Variants in CLASP2 observed in about 807,000 individuals in gnomAD.
The protein encoded by CLASP2 is CLIP-associating protein 2.
In CLASP2, 47 loss-of-function variants were observed where a neutral mutation model predicts 194.4. The ratio of observed to expected loss-of-function variants is 0.24; its 90% CI spans 0.19 to 0.31. The LOEUF (loss-of-function observed/expected upper bound fraction) is 0.31, where lower values mean the gene tolerates loss of function less well. Among genes scored for constraint, CLASP2 ranks in the 10% least tolerant of loss-of-function variants. The pLI is 1.00. For synonymous variants in CLASP2, 619 were observed against 633.5 expected (o/e 0.98, Z 0.34); for missense variants, 1,445 against 1,823.6 (o/e 0.79, Z 3.78).
At position 33,498,111 on chromosome 3, in the gene CLASP2, G is replaced by A. The variant is rs930994076; in HGVS notation, c.*520C>T. On this transcript the variant is annotated 3_prime_UTR_variant, in exon 39 of 39. Coordinates refer to ENST00000682230, the MANE Select transcript of CLASP2 (RefSeq NM_001365631.1). Reference sequence around the variant, plus strand: ...TGACATGTATCACCATCACACAAACGGAGTCCAGCTGTAGTTCAAATTAGT... The same window carrying A: ...TGACATGTATCACCATCACACAAACAGAGTCCAGCTGTAGTTCAAATTAGT... The A allele has an allele frequency of 1.3e-5, 2 of 152,588 alleles. No homozygotes were observed. The highest frequency in any genetic ancestry group is 2.1e-4 in the South Asian group (1 of 4,832). 9.5% of individuals were successfully genotyped at this position (152,588 alleles called of 1,614,324 possible).
intron 17 of CLASP2, among the ~76,000 whole-genome samples, 180 bp from the exon 18 acceptor site, chr3:33,603,305 A>C (rs561389174): frequency 6.6e-6 from 1 of 152,012 alleles, no homozygotes; most frequent in Non-Finnish European, 1.5e-5. Context: ...ATCACAACTA[A>C]GTCTTCAGCA....
Position 33,535,285 on chromosome 3 carries a change from C to T in CLASP2, c.3735G>A (p.Lys1245=), listed in dbSNP as rs2154134374. The T allele has an allele frequency of 6.2e-7, 1 of 1,613,934 alleles. No homozygotes were observed. Among genetic ancestry groups the T allele is most frequent in the Non-Finnish European group, 8.5e-7 (1 of 1,179,868 alleles). Residue 1245 remains lysine, a synonymous_variant, in exon 34 of 39, where the codon AAG becomes AAA. Coordinates refer to ENST00000682230, the MANE Select transcript of CLASP2 (RefSeq NM_001365631.1). ...NYSDSISPFN[K]SALKEAMFDD... ...CAAACATGGCTTCCTTGAGGGCAGA[C>T]TTGTTGAAGGGACTGATGCTATCTG...
At chr3:33,543,596 A>C (rs2058712727) in intron 31 of CLASP2, 57 bp from the exon 32 acceptor site, 8 of 1,044,524 alleles carry the variant, frequency 7.7e-6, no homozygotes, top group Non-Finnish European at 1.2e-5. Flanking sequence ...ACTTAAAAAA[A>C]CTCTTAAGGA....
intron 8 of CLASP2, among the ~76,000 whole-genome samples, chr3:33,642,776 C>CA (rs1210999060): frequency 6.6e-6 from 1 of 151,696 alleles, no homozygotes; most frequent in Non-Finnish European, 1.5e-5. Flanking sequence ...GAAGTAATAT[C>CA]AATATCCTCT....
At chr3:33,625,553 T>C (rs929606529) in intron 10 of CLASP2, among the ~76,000 whole-genome samples, 6 of 150,312 alleles carry the variant, frequency 4.0e-5, no homozygotes, top group African/African-American at 1.5e-4. Flanking sequence ...GTATCAAGTA[T>C]GATCTCTCTC....
At chr3:33,613,692 C>T (rs573228482) in intron 12 of CLASP2, among the ~76,000 whole-genome samples, 22 of 152,312 alleles carry the variant, frequency 1.4e-4, no homozygotes, top group African/African-American at 5.3e-4. Context: ...CATGAAAGGA[C>T]TCTGTGGACC....
At chr3:33,717,750 G>C in intron 1 of CLASP2, 58 bp downstream of exon 1, 32 of 1,528,704 alleles carry the variant, frequency 2.1e-5, no homozygotes, top group Non-Finnish European at 2.8e-5. Context: ...GCTCGCGTCC[G>C]GGATTAAAGG....
At chr3:33,659,744 C>T (rs1011956891) in intron 7 of CLASP2, 1 of 152,232 alleles carries the variant, frequency 6.6e-6, no homozygotes, top group Non-Finnish European at 1.5e-5. Context: ...AGAGCACCCT[C>T]TATCCAAGCT....
intron 10 of CLASP2, 107 bp downstream of exon 10, chr3:33,626,877 ACTCT>A (rs1416991864): frequency 4.8e-6 from 3 of 625,860 alleles, no homozygotes; most frequent in African/African-American, 1.9e-5. Flanking sequence ...TACCTATCAG[ACTCT>A]CTATTTTATA....
At chr3:33,515,097 A>T (rs1174701286) in intron 36 of CLASP2, among the ~76,000 whole-genome samples, 1 of 151,608 alleles carries the variant, frequency 6.6e-6, no homozygotes, top group African/African-American at 2.4e-5. Flanking sequence ...GTGAGGGATA[A>T]AAGACTACAC....
At position 33,606,634 on chromosome 3, in the gene CLASP2, G is replaced by A; in HGVS notation, c.1651C>T (p.Pro551Ser). ...LKSSGSVASL[P>S]QSDRSSSSSQ... ...CTGGATGAGGACCTGTCTGATTGTGGAAGAGATGCTACACTGCCAGAACTC... is the reference window on the plus strand; with the variant it reads ...CTGGATGAGGACCTGTCTGATTGTGAAAGAGATGCTACACTGCCAGAACTC... The change falls in exon 16 of 39, where the codon CCA becomes TCA. Residue 551 changes from proline (P) to serine (S), a missense_variant. Pro to Ser is a moderately conservative substitution (Grantham distance 74, BLOSUM62 -1). This residue lies in a region of CLASP2 where 174 missense variants were observed against 179.0 expected (regional missense o/e 0.97). Coordinates refer to ENST00000682230, the MANE Select transcript of CLASP2 (RefSeq NM_001365631.1). The A allele has an allele frequency of 1.2e-6, 2 of 1,613,656 alleles. No individual in the cohort carries two copies. The highest frequency in any genetic ancestry group is 1.7e-6 in the Non-Finnish European group (2 of 1,179,722).
chr3:33,574,048 T>A (rs2064306444), intron 24 of CLASP2, among the ~76,000 whole-genome samples: 1 of 152,190 alleles, frequency 6.6e-6, no homozygotes, highest in South Asian at 2.1e-4. Flanking sequence ...TTTCTTTACA[T>A]CTAAATCTTA....
chr3:33,529,984 C>CAAAA (rs1169927619), intron 34 of CLASP2, among the ~76,000 whole-genome samples: 15 of 32,230 alleles, frequency 4.7e-4, no homozygotes, highest in Non-Finnish European at 5.9e-4. Flanking sequence ...GACTCCGTCT[C>CAAAA]AAAAAAAAAA....
At chr3:33,663,353 AACT>A in intron 7 of CLASP2, 89 bp downstream of exon 7, 1 of 812,828 alleles carries the variant, frequency 1.2e-6, no homozygotes. Flanking sequence ...CCACAAAATC[AACT>A]CTTTTGAATC....
chr3:33,497,805 T>C lies in CLASP2; in HGVS notation c.*826A>G, dbSNP rs1238594410. The stretch of plus-strand genomic sequence containing the variant: ...AGTTTATTCATAAGTGAATTTGATA[T>C]TAATAAATACAAAAAAGCATCATTC... On this transcript the variant is annotated 3_prime_UTR_variant, in exon 39 of 39. Coordinates refer to ENST00000682230, the MANE Select transcript of CLASP2 (RefSeq NM_001365631.1). The C allele has an allele frequency of 1.3e-5, 2 of 152,500 alleles. No individual in the cohort carries two copies. Among genetic ancestry groups the C allele is most frequent in the African/African-American group, 4.8e-5 (2 of 41,438 alleles). The allele number at this position is 152,500 out of a possible 1,614,324, so 9.4% of individuals were successfully genotyped here. A position where few individuals can be genotyped will look rare whatever the true frequency, so the allele number is the denominator to read the frequency against.
At chr3:33,518,494 G>C (rs981196268) in intron 34 of CLASP2, among the ~76,000 whole-genome samples, 5 of 152,128 alleles carry the variant, frequency 3.3e-5, no homozygotes, top group African/African-American at 9.7e-5. Flanking sequence ...CATCTCTCTG[G>C]AATGAAACAA....
chr3:33,593,424 A>ATAC (rs1327460424), intron 20 of CLASP2, among the ~76,000 whole-genome samples: 1 of 152,246 alleles, frequency 6.6e-6, no homozygotes, highest in African/African-American at 2.4e-5. Context: ...TATACATGAA[A>ATAC]TACTGGCTAG....
At chr3:33,591,479 C>T (rs1177555556) in intron 21 of CLASP2, among the ~76,000 whole-genome samples, 5 of 152,016 alleles carry the variant, frequency 3.3e-5, no homozygotes, top group Admixed American at 2.0e-4. Flanking sequence ...CAGGCAGTGG[C>T]GCAAGCCTGT....
At chr3:33,605,299 C>T (rs1181029936) in intron 16 of CLASP2, among the ~76,000 whole-genome samples, 1 of 151,984 alleles carries the variant, frequency 6.6e-6, no homozygotes, top group Non-Finnish European at 1.5e-5. Context: ...AAAAAGAGAA[C>T]AAAAGCAACA....
Sources: gnomAD v4.1 joint callset for allele counts (sites outside exome capture counted in the v4.1 genomes callset) on GRCh38, gnomAD v4.1.1 for gene constraint, gnomAD v4.1.1 regional missense constraint, MANE v1.5 for transcripts, NCBI Gene and HGNC (gene_info 2026-07-23, HGNC 2026-07-21) for gene names.